The following ZNF329 variants were observed in gnomAD, a reference collection of about 807,000 sequenced individuals.
The protein encoded by ZNF329 is zinc finger protein 329.
A neutral mutation model predicts 26.6 loss-of-function variants in ZNF329; 15 were observed. The ratio of observed to expected loss-of-function variants is 0.56; its 90% confidence interval spans 0.38 to 0.87. The LOEUF (loss-of-function observed/expected upper bound fraction) is 0.87, where lower values mean the gene tolerates loss of function less well. Ranked by LOEUF, ZNF329 falls within the 40% of genes least tolerant of loss-of-function variation. ZNF329 has a pLI of 0.00. For synonymous variants in ZNF329, 239 were observed against 233.5 expected (o/e 1.02, Z -0.21); for missense variants, 651 against 651.9 (o/e 1.00, Z 0.02).
upstream of ZNF329, among the ~76,000 whole-genome samples, chr19:58,153,564 A>G (rs2075494121): frequency 6.6e-6 from 1 of 152,228 alleles, no homozygotes; most frequent in African/African-American, 2.4e-5. Context: ...AACAAGTGTG[A>G]CTGCATTCCA....
chr19:58,146,632 G>A (rs898486977), intron 1 of ZNF329, among the ~76,000 whole-genome samples: 1 of 150,884 alleles, frequency 6.6e-6, no homozygotes, highest in South Asian at 2.1e-4. Context: ...TGCCATCTCG[G>A]CTCACTGCAA....
At chr19:58,146,000 G>GA (rs36035684) in intron 1 of ZNF329, among the ~76,000 whole-genome samples, 22,676 of 123,004 alleles carry the variant, frequency 0.18, 1,914 homozygotes, top group Middle Eastern at 0.33. Flanking sequence ...TCAATTTCAT[G>GA]AAAAAAAAAA....
At chr19:58,144,392 A>AT (rs1420482357) in intron 1 of ZNF329, among the ~76,000 whole-genome samples, 9 of 88,226 alleles carry the variant, frequency 1.0e-4, no homozygotes, top group African/African-American at 3.2e-4. Flanking sequence ...ATATATATAT[A>AT]TATATTTTTT....
At chr19:58,154,504 C>G (rs1283414635), upstream of ZNF329, among the ~76,000 whole-genome samples, 2 of 152,238 alleles carry the variant, frequency 1.3e-5, no homozygotes, top group African/African-American at 4.8e-5. Flanking sequence ...GGTTGGTCTC[C>G]TCCTCCAGGA....
chr19:58,145,309 TCTTC>T (rs1156759941), intron 1 of ZNF329, among the ~76,000 whole-genome samples: 2 of 144,670 alleles, frequency 1.4e-5, no homozygotes, highest in Non-Finnish European at 3.0e-5. Flanking sequence ...ATTTCTTTTT[TCTTC>T]CTTTTTTTTT....
intron 3 of ZNF329, among the ~76,000 whole-genome samples, chr19:58,132,022 CAAA>C (rs11317433): frequency 2.0e-4 from 20 of 98,964 alleles, no homozygotes; most frequent in Non-Finnish European, 2.7e-4. Flanking sequence ...GACTCTGCCT[CAAA>C]AAAAAAAAAA....
At chr19:58,130,334 C>T (rs159671) in intron 3 of ZNF329, among the ~76,000 whole-genome samples, 112,178 of 151,520 alleles carry the variant, frequency 0.74, 42,602 homozygotes, top group Non-Finnish European at 0.84. Context: ...AAAAACAAAA[C>T]AAAACAAAAA....
chr19:58,144,727 A>C (rs2075268442), intron 1 of ZNF329, among the ~76,000 whole-genome samples: 1 of 135,420 alleles, frequency 7.4e-6, no homozygotes, highest in Admixed American at 7.8e-5. Context: ...AAAGAGACAG[A>C]GTCTTGCTTT....
chr19:58,140,679 C>T (rs138522018), intron 3 of ZNF329, among the ~76,000 whole-genome samples: 4,520 of 151,518 alleles, frequency 0.03, 223 homozygotes, highest in African/African-American at 0.1. Context: ...CCTCCCAAAG[C>T]GCTGGGATTA....
In ZNF329 at chr19:58,140,617, A is replaced by G. The variant is rs374720444; in HGVS notation, c.-9+1940T>C. On this transcript the variant is annotated intron_variant, in intron 3 of 3. Coordinates refer to ENST00000598312, the MANE Select transcript of ZNF329 (RefSeq NM_024620.4). The stretch of plus-strand genomic sequence containing the variant: ...TTTTTAGTAGAGATGGGGTTTCACC[A>G]TGTTGGCCAGGATGGTCTCGATCTC... 2.6e-4 allele frequency among the ~76,000 whole-genome samples: 39 copies of G among 152,060 alleles called. No homozygotes were observed. The East Asian group carries it at 4.5e-3, about 17-fold the overall frequency.
intron 3 of ZNF329, among the ~76,000 whole-genome samples, chr19:58,139,729 A>G (rs936463946): frequency 4.6e-5 from 7 of 152,326 alleles, no homozygotes; most frequent in East Asian, 1.9e-4. Context: ...TTCTGAATAG[A>G]TATTTCCCCA....
At chr19:58,135,483 C>T (rs1391514431) in intron 3 of ZNF329, among the ~76,000 whole-genome samples, 1 of 152,162 alleles carries the variant, frequency 6.6e-6, no homozygotes, top group Non-Finnish European at 1.5e-5. Context: ...CCAGGCTGGT[C>T]TCGCACTCCT....
At chr19:58,145,095 C>A (rs1207167396) in intron 1 of ZNF329, among the ~76,000 whole-genome samples, 1 of 151,296 alleles carries the variant, frequency 6.6e-6, no homozygotes, top group Non-Finnish European at 1.5e-5. Context: ...GTGACCCGCC[C>A]GCCTCGGCCT....
rs903492882 is a variant in ZNF329 at position 58,126,961 on chromosome 19, T to G, written c.*917A>C. 3 of 152,202 alleles carry G rather than the reference T, an allele frequency of 2.0e-5. No individual in the cohort carries two copies. The highest frequency in any genetic ancestry group is 4.4e-5 in the Non-Finnish European group (3 of 68,054). 9.4% of individuals were successfully genotyped at this position (152,202 alleles called of 1,614,324 possible). The stretch of plus-strand genomic sequence containing the variant: ...AGCCACCACATCTGGCCTGCTTGTT[T>G]CAGTCTTAAGAGGAACGACTTCATT... On this transcript the variant is annotated 3_prime_UTR_variant, in exon 4 of 4. Transcript: ENST00000598312.
intron 3 of ZNF329, among the ~76,000 whole-genome samples, chr19:58,134,049 A>G (rs918434460): frequency 3.9e-5 from 6 of 152,182 alleles, no homozygotes; most frequent in African/African-American, 7.2e-5. Flanking sequence ...AAAAGAATAA[A>G]TGTAGTATAA....
At chr19:58,154,458 C>A (rs896367744), upstream of ZNF329, among the ~76,000 whole-genome samples, 1 of 152,208 alleles carries the variant, frequency 6.6e-6, no homozygotes, top group Non-Finnish European at 1.5e-5. Context: ...GGCCCTCTGG[C>A]CTTTGTCCAG....
At chr19:58,154,071 A>G (rs2075503012), upstream of ZNF329, among the ~76,000 whole-genome samples, 1 of 150,570 alleles carries the variant, frequency 6.6e-6, no homozygotes, top group Non-Finnish European at 1.5e-5. Context: ...GCGTGATCTC[A>G]GCTCACTGCA....
Position 58,127,626 on chromosome 19 carries a change from C to A in ZNF329, c.*252G>T, listed in dbSNP as rs2074829781. ...CACCCCCATGTTTGCACATTTCATT[C>A]CAGTGTGTGTGTTGTCATGTCTGGT... On this transcript the variant is annotated 3_prime_UTR_variant, in exon 4 of 4. Transcript: ENST00000598312. The A allele has an allele frequency of 1.3e-5, 5 of 398,672 alleles. No individual in the cohort carries two copies. The allele number at this position is 398,672 out of a possible 1,614,324, so 24.7% of individuals were successfully genotyped here. A position where few individuals can be genotyped will look rare whatever the true frequency, so the allele number is the denominator to read the frequency against.
intron 1 of ZNF329, among the ~76,000 whole-genome samples, chr19:58,147,836 C>T (rs1297162314): frequency 8.0e-5 from 12 of 150,626 alleles, no homozygotes; most frequent in Non-Finnish European, 1.3e-4. Context: ...TCTGCCCAGC[C>T]GCCCCTACTG....
Sources: gnomAD v4.1 joint callset for allele counts (sites outside exome capture counted in the v4.1 genomes callset) on GRCh38, gnomAD v4.1.1 for gene constraint, MANE v1.5 for transcripts, NCBI Gene and HGNC (gene_info 2026-07-23, HGNC 2026-07-21) for gene names.